Variants in PARD3B observed in about 807,000 individuals in gnomAD.
PARD3B encodes the protein par-3 family cell polarity regulator beta, also known as partitioning defective 3 homolog B.
PARD3B carries 103 observed loss-of-function variants against 130.2 expected under a neutral mutation model. The ratio of observed to expected loss-of-function variants is 0.79; its 90% CI spans 0.67 to 0.93. The LOEUF is 0.93. Ranked by LOEUF, PARD3B falls within the 40% of genes least tolerant of loss-of-function variation. The pLI, the probability that PARD3B is intolerant of heterozygous loss-of-function variation, is 0.00. For synonymous variants in PARD3B, 583 were observed against 553.2 expected, an observed-to-expected ratio of 1.05 and a Z score of -0.76; for missense variants, 1,609 against 1,499.2, an observed-to-expected ratio of 1.07 and a Z score of -1.21.
chr2:205,383,824 G>T (rs1433289892), intron 18 of PARD3B, among the ~76,000 whole-genome samples: 1 of 152,010 alleles, frequency 6.6e-6, no homozygotes, highest in Non-Finnish European at 1.5e-5. Flanking sequence ...TTTGGATCTG[G>T]CTTCTTTCAT....
At chr2:205,380,347 A>AATATATAATATATAAAGAATATATATT (rs1559033034) in intron 18 of PARD3B, among the ~76,000 whole-genome samples, 317 of 13,588 alleles carry the variant, frequency 0.023, no homozygotes, top group Middle Eastern at 0.062. Context: ...AAGAATATAT[A>AATATATAATATATAAAGAATATATATT]ATATATAATA....
At chr2:205,487,326 A>G (rs1276657400) in intron 20 of PARD3B, among the ~76,000 whole-genome samples, 26 of 152,106 alleles carry the variant, frequency 1.7e-4, no homozygotes, top group Admixed American at 1.7e-3. Flanking sequence ...AATACCCTCC[A>G]TTGGGGAAGA....
intron 3 of PARD3B, among the ~76,000 whole-genome samples, chr2:204,980,999 C>A (rs892912798): frequency 6.6e-6 from 1 of 152,136 alleles, no homozygotes; most frequent in Non-Finnish European, 1.5e-5. Flanking sequence ...AAACTCGATT[C>A]TTTTTATACT....
At chr2:204,725,986 A>G (rs1429610455) in intron 2 of PARD3B, among the ~76,000 whole-genome samples, 2 of 152,204 alleles carry the variant, frequency 1.3e-5, no homozygotes, top group African/African-American at 4.8e-5. Context: ...TTGGGAAGCT[A>G]AGAAGCAGAA....
Position 205,147,465 on chromosome 2 carries a change from T to C in PARD3B, c.1435-11257T>C, listed in dbSNP as rs849131. 7.7e-3 allele frequency among the ~76,000 whole-genome samples: 1,178 copies of C among 152,284 alleles called. 20 individuals are homozygous for C. The highest frequency in any genetic ancestry group is 0.027 in the African/African-American group (1,113 of 41,566). ...TAAATATTACATTGAACAGGCAATATGGAATGGCCATTTTCTGATTTTTAT... is the reference window on the plus strand; with the variant it reads ...TAAATATTACATTGAACAGGCAATACGGAATGGCCATTTTCTGATTTTTAT... On this transcript the variant is annotated intron_variant, in intron 10 of 22. Coordinates refer to ENST00000406610, the MANE Select transcript of PARD3B (RefSeq NM_001302769.2).
chr2:204,989,473 G>T (rs1693456828), intron 3 of PARD3B, among the ~76,000 whole-genome samples: 1 of 152,064 alleles, frequency 6.6e-6, no homozygotes, highest in Non-Finnish European at 1.5e-5. Flanking sequence ...TAAAACTGTG[G>T]TATGTATGAA....
At position 204,720,773 on chromosome 2, in the gene PARD3B, A is replaced by C. The variant is rs192079646; in HGVS notation, c.222+34491A>C. On this transcript the variant is annotated intron_variant, in intron 2 of 22. Coordinates refer to ENST00000406610, the MANE Select transcript of PARD3B (RefSeq NM_001302769.2). Reference sequence around the variant, plus strand: ...TGTCCAGCTGCTTTAACAGAGGCCAAATAATAGTGGCTTCAACAAGATGGA... The same window carrying C: ...TGTCCAGCTGCTTTAACAGAGGCCACATAATAGTGGCTTCAACAAGATGGA... Among the ~76,000 whole-genome samples the C allele has an allele frequency of 6.9e-4, 105 of 152,274 alleles. 1 individual carries two copies. Among genetic ancestry groups the C allele is most frequent in the Admixed American group, 6.0e-3 (92 of 15,296 alleles).
intron 3 of PARD3B, among the ~76,000 whole-genome samples, chr2:205,023,101 C>A (rs1356228199): frequency 6.6e-6 from 1 of 152,144 alleles, no homozygotes; most frequent in African/African-American, 2.4e-5. Context: ...CTTTTCTATG[C>A]CAAATCTTGG....
At chr2:204,802,319 A>G (rs1044261870) in intron 2 of PARD3B, among the ~76,000 whole-genome samples, 2 of 152,196 alleles carry the variant, frequency 1.3e-5, no homozygotes, top group Admixed American at 6.5e-5. Flanking sequence ...TTGAATGACG[A>G]TCATTAAAAA....
intron 19 of PARD3B, among the ~76,000 whole-genome samples, chr2:205,419,478 C>G (rs2046892103): frequency 6.6e-6 from 1 of 152,078 alleles, no homozygotes; most frequent in Non-Finnish European, 1.5e-5. Context: ...AATGGTGGAG[C>G]AAATTGAACT....
intron 10 of PARD3B, among the ~76,000 whole-genome samples, chr2:205,144,431 C>T (rs556643994): frequency 2.6e-5 from 4 of 152,324 alleles, no homozygotes; most frequent in Non-Finnish European, 4.4e-5. Context: ...TAAATTCCTT[C>T]ACTTTTCCTT....
At position 204,574,542 on chromosome 2, in the gene PARD3B, T is replaced by C. The variant is rs539255391; in HGVS notation, c.120+28423T>C. On this transcript the variant is annotated intron_variant, in intron 1 of 22. Coordinates refer to ENST00000406610, the MANE Select transcript of PARD3B (RefSeq NM_001302769.2). Reference sequence around the variant, plus strand: ...CTCAGTATGGACAGGCAGCATAGCGTGTTTGTCATTTGTGTGGGCTCTTGA... The same window carrying C: ...CTCAGTATGGACAGGCAGCATAGCGCGTTTGTCATTTGTGTGGGCTCTTGA... Among the ~76,000 whole-genome samples the C allele has an allele frequency of 6.6e-5, 10 of 152,290 alleles. No individual in the cohort carries two copies. In the East Asian group the frequency reaches 1.7e-3, roughly 27 times the overall value.
intron 14 of PARD3B, among the ~76,000 whole-genome samples, chr2:205,191,018 T>G (rs541601183): frequency 6.6e-6 from 1 of 151,104 alleles, no homozygotes; most frequent in East Asian, 2.0e-4. Context: ...TCTAATACAC[T>G]TTATATATCA....
intron 2 of PARD3B, among the ~76,000 whole-genome samples, chr2:204,745,293 T>A (rs560796169): frequency 6.6e-6 from 1 of 152,262 alleles, no homozygotes; most frequent in Admixed American, 6.5e-5. Context: ...CATATGGACA[T>A]TGATAATAAT....
At chr2:204,945,207 A>C (rs1057017268) in intron 2 of PARD3B, among the ~76,000 whole-genome samples, 2 of 152,200 alleles carry the variant, frequency 1.3e-5, no homozygotes, top group Non-Finnish European at 2.9e-5. Context: ...AGGAGACAGG[A>C]AGAATCTTCA....
chr2:205,443,043 A>G (rs1421253354), intron 20 of PARD3B, among the ~76,000 whole-genome samples: 5 of 152,220 alleles, frequency 3.3e-5, no homozygotes, highest in African/African-American at 4.8e-5. Flanking sequence ...TTATGCTTAA[A>G]GACTGCCCTG....
chr2:204,580,335 G>C (rs952585041), intron 1 of PARD3B, among the ~76,000 whole-genome samples: 2 of 152,016 alleles, frequency 1.3e-5, no homozygotes, highest in African/African-American at 4.8e-5. Context: ...TCCAGAGTGA[G>C]TCTCCTGGGA....
Position 204,673,990 on chromosome 2 carries a change from T to A in PARD3B, c.121-12191T>A, listed in dbSNP as rs2036421962. On this transcript the variant is annotated intron_variant, in intron 1 of 22. Coordinates refer to ENST00000406610, the MANE Select transcript of PARD3B (RefSeq NM_001302769.2). The surrounding 1 kb of genome is among the most constrained non-coding windows in gnomAD (Gnocchi z 4.7). ...TCTCAAGATTTGAGCTTTTACTCAG[T>A]ATCAATAAAATGGCTTTCTCTGTTA... 6.6e-6 allele frequency among the ~76,000 whole-genome samples: 1 copy of A among 152,144 alleles called. No individual in the cohort carries two copies. The highest frequency in any genetic ancestry group is 6.5e-5 in the Admixed American group (1 of 15,274).
At chr2:205,246,469 A>T (rs568459399) in intron 16 of PARD3B, among the ~76,000 whole-genome samples, 1 of 152,162 alleles carries the variant, frequency 6.6e-6, no homozygotes, top group South Asian at 2.1e-4. Context: ...CTCCATCATC[A>T]TTTATTCACA....
Sources: allele counts gnomAD v4.1 joint callset (sites outside exome capture counted in the v4.1 genomes callset), GRCh38; gene constraint gnomAD v4.1.1; non-coding constraint Gnocchi (gnomAD v3.1); transcripts MANE v1.5; gene names NCBI Gene and HGNC (gene_info 2026-07-23, HGNC 2026-07-21).